The following FRMPD4 variants were observed in gnomAD, a reference collection of about 807,000 sequenced individuals.
FRMPD4 encodes the protein FERM and PDZ domain containing 4, also known as FERM and PDZ domain-containing protein 4.
In FRMPD4, 22 loss-of-function variants were observed where a neutral mutation model predicts 94.1. The ratio of observed to expected loss-of-function variants is 0.23; its 90% CI spans 0.17 to 0.33. FRMPD4 has a LOEUF of 0.33. FRMPD4 is among the 10% of genes least tolerant of loss of function. The pLI, the probability that FRMPD4 is intolerant of heterozygous loss-of-function variation, is 1.00. For missense variants in FRMPD4, 1,111 were observed against 1,339.9 expected (o/e 0.83, Z 2.67); for synonymous variants, 631 against 548.6 (o/e 1.15, Z -2.10).
At chrX:12,133,539 C>G (rs1197246810), upstream of FRMPD4, among the ~76,000 whole-genome samples, 1 of 111,762 alleles carries the variant, frequency 8.9e-6, no homozygotes, top group East Asian at 2.8e-4. Context: ...ATCCTCCCAC[C>G]TCAGCCTCCC....
chrX:12,362,952 G>A (rs1187773624), intron 1 of FRMPD4, among the ~76,000 whole-genome samples: 16 of 111,947 alleles, frequency 1.4e-4, no homozygotes, highest in Non-Finnish European at 2.3e-4. Flanking sequence ...TTCTCTGATG[G>A]CCAGTGATGA....
chrX:12,292,500 T>G (rs1359130606), intron 1 of FRMPD4, among the ~76,000 whole-genome samples: 1 of 111,157 alleles, frequency 9.0e-6, no homozygotes, highest in East Asian at 2.8e-4. Context: ...GTTTTGTGCT[T>G]GTGTATTCCA....
chrX:12,697,541 A>T (rs1298432672), intron 9 of FRMPD4, among the ~76,000 whole-genome samples: 1 of 112,684 alleles, frequency 8.9e-6, no homozygotes, highest in Non-Finnish European at 1.9e-5. Context: ...TTGCATTTAT[A>T]AAAGAACAAT....
At chrX:12,307,719 A>G (rs992526821) in intron 1 of FRMPD4, among the ~76,000 whole-genome samples, 4 of 109,425 alleles carry the variant, frequency 3.7e-5, no homozygotes, top group Non-Finnish European at 5.6e-5. Flanking sequence ...TTGTCCTGCA[A>G]TAAAAAAATA....
chrX:12,708,115 T>C (rs995004698), intron 13 of FRMPD4, among the ~76,000 whole-genome samples: 18 of 112,005 alleles, frequency 1.6e-4, no homozygotes, highest in African/African-American at 5.8e-4. Flanking sequence ...TGTCTTCTCA[T>C]ATGGTAGCAA....
At chrX:11,891,058 G>A (rs919945426) in intron 3 of FRMPD4, among the ~76,000 whole-genome samples, 28 of 112,813 alleles carry the variant, frequency 2.5e-4, no homozygotes, top group African/African-American at 9.0e-4. Flanking sequence ...AAGGGCTGTT[G>A]CTCAGAGAGT....
At chrX:12,059,904 G>A (rs1250374488) in intron 3 of FRMPD4, among the ~76,000 whole-genome samples, 3 of 35 alleles carry the variant, frequency 0.086, no homozygotes, top group Non-Finnish European at 0.12. Flanking sequence ...TGTGAATAGC[G>A]TACAATAAAC....
intron 1 of FRMPD4, among the ~76,000 whole-genome samples, chrX:11,856,486 T>C (rs2053654495): frequency 9.0e-6 from 1 of 110,762 alleles, no homozygotes; most frequent in Non-Finnish European, 1.9e-5. Flanking sequence ...CAGAAAAGGC[T>C]TTTGATAAAA....
chrX:11,977,178 ACT>A (rs34187474), intron 3 of FRMPD4, among the ~76,000 whole-genome samples: 45,819 of 110,658 alleles, frequency 0.41, 6,823 homozygotes, highest in East Asian at 0.57. Context: ...TGGAAAACAA[ACT>A]CTGAGCAAAT....
At chrX:11,956,566 T>A (rs2054258343) in intron 3 of FRMPD4, among the ~76,000 whole-genome samples, 1 of 112,011 alleles carries the variant, frequency 8.9e-6, no homozygotes, top group Non-Finnish European at 1.9e-5. Context: ...ATGCACTTTT[T>A]AAATTAGCCT....
rs1442964472 is a variant in FRMPD4 at position 12,509,315 on chromosome X, A to G, written c.158+10519A>G. Among the ~76,000 whole-genome samples the G allele has an allele frequency of 2.7e-5, 3 of 112,204 alleles. No homozygotes were observed. In the Admixed American group the frequency reaches 2.8e-4, roughly 11 times the overall value. On this transcript the variant is annotated intron_variant, in intron 2 of 16. Coordinates refer to ENST00000675598, the MANE Select transcript of FRMPD4 (RefSeq NM_001368397.1). Reference sequence around the variant, plus strand: ...TACAGCAGCACAATTCGCAATTCCAAAAACATGGAACCAACTCAAATGCCC... The same window carrying G: ...TACAGCAGCACAATTCGCAATTCCAGAAACATGGAACCAACTCAAATGCCC...
chrX:12,207,126 T>C (rs1027043672), intron 1 of FRMPD4, among the ~76,000 whole-genome samples: 3 of 111,770 alleles, frequency 2.7e-5, no homozygotes, highest in African/African-American at 6.5e-5. Flanking sequence ...TTCCATTTTC[T>C]TGAAGCTACA....
chrX:11,851,713 A>G (rs1481823958), intron 1 of FRMPD4, among the ~76,000 whole-genome samples: 1 of 111,504 alleles, frequency 9.0e-6, no homozygotes. Context: ...AATGCTAACT[A>G]TCTTCCTCAA....
chrX:12,198,358 CT>C (rs2056590527), intron 1 of FRMPD4, among the ~76,000 whole-genome samples: 1 of 111,279 alleles, frequency 9.0e-6, no homozygotes, highest in African/African-American at 3.3e-5. Flanking sequence ...GCTTCTTAAT[CT>C]TTAGTGTGCA....
At chrX:11,832,798 C>T (rs980809343) in intron 1 of FRMPD4, among the ~76,000 whole-genome samples, 1 of 111,986 alleles carries the variant, frequency 8.9e-6, no homozygotes, top group Non-Finnish European at 1.9e-5. Context: ...TAGCATCCAT[C>T]ACCAGAGTGG....
intron 1 of FRMPD4, among the ~76,000 whole-genome samples, chrX:12,389,597 A>T (rs1338543601): frequency 8.9e-6 from 1 of 112,091 alleles, no homozygotes; most frequent in Non-Finnish European, 1.9e-5. Context: ...TCCACATTGT[A>T]TTCATAAATA....
chrX:12,139,136 A>G (rs2055649896), intron 1 of FRMPD4, 124 bp downstream of exon 1: 2 of 513,385 alleles, frequency 3.9e-6, no homozygotes, highest in Non-Finnish European at 6.0e-6. Context: ...AGACAAACGA[A>G]GTGGCCGGGG....
intron 3 of FRMPD4, among the ~76,000 whole-genome samples, chrX:12,053,418 G>GAAAGAAAGAAAGA (rs2054834626): frequency 1.1e-5 from 1 of 89,738 alleles, no homozygotes; most frequent in East Asian, 3.8e-4. Flanking sequence ...AAGAAAGAAA[G>GAAAGAAAGAAAGA]AAAGAAAGAA....
chrX:12,494,127 G>A (rs2057820740), intron 1 of FRMPD4, among the ~76,000 whole-genome samples: 1 of 112,083 alleles, frequency 8.9e-6, no homozygotes, highest in Non-Finnish European at 1.9e-5. Context: ...TTGAGAACCT[G>A]CTATATACCA....
Sources: allele counts gnomAD v4.1 joint callset (sites outside exome capture counted in the v4.1 genomes callset), GRCh38; gene constraint gnomAD v4.1.1; transcripts MANE v1.5; gene names NCBI Gene and HGNC (gene_info 2026-07-23, HGNC 2026-07-21).